Variants in TWIST2 observed in about 807,000 individuals in gnomAD.
The protein encoded by TWIST2 is twist-related protein 2.
Under a neutral mutation model 11.6 loss-of-function variants are expected in TWIST2, and 1 was observed. That is an observed-to-expected ratio of 0.09 (90% CI 0.03 to 0.41). TWIST2 has a LOEUF of 0.41. TWIST2 is among the 10% of genes least tolerant of loss of function. The pLI, the probability that TWIST2 is intolerant of heterozygous loss-of-function variation, is 0.98. For missense variants in TWIST2, 168 were observed against 226.4 expected, an observed-to-expected ratio of 0.74 and a Z score of 1.66; for synonymous variants, 87 against 96.6, an observed-to-expected ratio of 0.90 and a Z score of 0.58.
chr2:238,858,119 C>A (rs887385496), intron 1 of TWIST2, among the ~76,000 whole-genome samples: 3 of 152,282 alleles, frequency 2.0e-5, no homozygotes, highest in Admixed American at 6.5e-5. Flanking sequence ...ATGTTAATTA[C>A]ATAATTTCAC....
intron 1 of TWIST2, among the ~76,000 whole-genome samples, chr2:238,881,271 G>A (rs948495733): frequency 1.8e-4 from 26 of 142,054 alleles, no homozygotes; most frequent in Non-Finnish European, 2.7e-4. Flanking sequence ...GTATTTATTA[G>A]TGTTAGCATT....
chr2:238,896,034 A>G (rs1276636121), intron 1 of TWIST2, among the ~76,000 whole-genome samples: 1 of 152,200 alleles, frequency 6.6e-6, no homozygotes, highest in Non-Finnish European at 1.5e-5. Context: ...GGCCAGGCCA[A>G]TAGCCACCGG....
intron 1 of TWIST2, among the ~76,000 whole-genome samples, chr2:238,872,149 C>A (rs906228897): frequency 6.6e-6 from 1 of 152,154 alleles, no homozygotes; most frequent in Non-Finnish European, 1.5e-5. Flanking sequence ...CACAGTGGGT[C>A]CTGCCTGCCC....
intron 1 of TWIST2, among the ~76,000 whole-genome samples, chr2:238,854,391 A>C (rs1021195492): frequency 6.6e-6 from 1 of 152,078 alleles, no homozygotes; most frequent in Non-Finnish European, 1.5e-5. Flanking sequence ...GACTGACGGG[A>C]AAGATTTGGG....
At chr2:238,886,014 T>C (rs560239037) in intron 1 of TWIST2, among the ~76,000 whole-genome samples, 4 of 151,412 alleles carry the variant, frequency 2.6e-5, no homozygotes, top group Admixed American at 1.3e-4. Flanking sequence ...GAGAATCTCT[T>C]GACCCTGGGA....
chr2:238,891,673 A>C (rs1693136365), intron 1 of TWIST2, among the ~76,000 whole-genome samples: 1 of 152,108 alleles, frequency 6.6e-6, no homozygotes, highest in Non-Finnish European at 1.5e-5. Context: ...GAAAGCGAGA[A>C]GGTTCGAGGG....
intron 1 of TWIST2, among the ~76,000 whole-genome samples, chr2:238,892,961 G>A (rs1022910342): frequency 1.3e-5 from 2 of 152,304 alleles, no homozygotes; most frequent in South Asian, 4.1e-4. Flanking sequence ...TGGGCTAAAA[G>A]TAACTGAGTC....
At chr2:238,861,030 A>G (rs897965154) in intron 1 of TWIST2, among the ~76,000 whole-genome samples, 4 of 152,198 alleles carry the variant, frequency 2.6e-5, no homozygotes, top group Non-Finnish European at 4.4e-5. Flanking sequence ...GCCACCAGGG[A>G]GGAGGTGCAA....
intron 1 of TWIST2, among the ~76,000 whole-genome samples, chr2:238,871,609 C>T (rs1258714215): frequency 7.4e-6 from 1 of 135,090 alleles, no homozygotes; most frequent in Non-Finnish European, 1.6e-5. Context: ...GCACACCCCA[C>T]TCACACACAT....
chr2:238,882,218 G>T, intron 1 of TWIST2, among the ~76,000 whole-genome samples: 1 of 152,114 alleles, frequency 6.6e-6, no homozygotes, highest in East Asian at 1.9e-4. Context: ...TCCTCTCCCA[G>T]CAGCAGCCCA....
At chr2:238,892,067 C>T (rs537356339) in intron 1 of TWIST2, among the ~76,000 whole-genome samples, 1 of 152,262 alleles carries the variant, frequency 6.6e-6, no homozygotes, top group Admixed American at 6.5e-5. Flanking sequence ...TGTTATGTGC[C>T]GGTGTGTGGA....
intron 1 of TWIST2, among the ~76,000 whole-genome samples, chr2:238,888,395 A>G (rs1237773803): frequency 6.6e-6 from 1 of 152,240 alleles, no homozygotes; most frequent in Non-Finnish European, 1.5e-5. Context: ...AAAACTGCAC[A>G]GAACATCTGC....
chr2:238,895,793 C>T (rs1693199202), intron 1 of TWIST2, among the ~76,000 whole-genome samples: 3 of 152,168 alleles, frequency 2.0e-5, no homozygotes, highest in African/African-American at 7.2e-5. Context: ...AGAGGCTCTG[C>T]AGGGTGGCCT....
intron 1 of TWIST2, among the ~76,000 whole-genome samples, chr2:238,870,936 A>T (rs1251092332): frequency 1.5e-4 from 4 of 25,864 alleles, no homozygotes; most frequent in African/African-American, 5.1e-4. Flanking sequence ...CACCCCACAC[A>T]TACCCCCCAA....
chr2:238,899,928 G>GTGCTCTAAAAA (rs1487822542), intron 1 of TWIST2, among the ~76,000 whole-genome samples: 1 of 152,158 alleles, frequency 6.6e-6, no homozygotes, highest in African/African-American at 2.4e-5. Context: ...ATTTTGCTGG[G>GTGCTCTAAAAA]AACCTGAAGT....
At chr2:238,908,877 G>C (rs2106377074) in intron 1 of TWIST2, among the ~76,000 whole-genome samples, 1 of 2,226 alleles carries the variant, frequency 4.5e-4, no homozygotes, top group African/African-American at 2.0e-3. Context: ...TGGTGTGTTT[G>C]TGTGGTGTGT....
At chr2:238,855,342 A>T (rs562257270) in intron 1 of TWIST2, among the ~76,000 whole-genome samples, 8 of 152,220 alleles carry the variant, frequency 5.3e-5, no homozygotes, top group Non-Finnish European at 1.0e-4. Context: ...CTCTGTTCAC[A>T]TCATTGACAC....
At chr2:238,861,829 C>G (rs899767499) in intron 1 of TWIST2, among the ~76,000 whole-genome samples, 9 of 152,226 alleles carry the variant, frequency 5.9e-5, no homozygotes, top group African/African-American at 1.2e-4. Context: ...AAATTGCACA[C>G]CATTCTGAGT....
chr2:238,884,602 C>T (rs987307479), intron 1 of TWIST2, among the ~76,000 whole-genome samples: 1 of 152,210 alleles, frequency 6.6e-6, no homozygotes, highest in Non-Finnish European at 1.5e-5. Flanking sequence ...GTGAGAACGG[C>T]ACCTTCACAC....
Sources: allele counts gnomAD v4.1 joint callset (sites outside exome capture counted in the v4.1 genomes callset), GRCh38; gene constraint gnomAD v4.1.1; transcripts MANE v1.5; gene names NCBI Gene and HGNC (gene_info 2026-07-23, HGNC 2026-07-21).